The following ADK variants were observed in gnomAD, a reference collection of about 807,000 sequenced individuals.
The protein encoded by ADK is N6,N6-dimethyladenosine kinase.
A neutral mutation model predicts 44.7 loss-of-function variants in ADK; 24 were observed. The observed-to-expected ratio is 0.54, with a 90% CI of 0.39 to 0.76. The LOEUF (loss-of-function observed/expected upper bound fraction) is 0.76, where lower values mean the gene tolerates loss of function less well. ADK is among the 30% of genes least tolerant of loss of function. The pLI is 0.00. For missense variants in ADK, 321 were observed against 425.1 expected (o/e 0.76, Z 2.15); for synonymous variants, 128 against 142.6 (o/e 0.90, Z 0.73).
chr10:74,380,062 C>G (rs1477491175), intron 4 of ADK, among the ~76,000 whole-genome samples: 1 of 152,170 alleles, frequency 6.6e-6, no homozygotes, highest in Non-Finnish European at 1.5e-5. Flanking sequence ...TTGCCTGCCT[C>G]CCACTCTTTG....
intron 1 of ADK, among the ~76,000 whole-genome samples, chr10:74,153,596 A>T (rs1564563564): frequency 6.6e-6 from 1 of 152,220 alleles, no homozygotes; most frequent in African/African-American, 2.4e-5. Flanking sequence ...AGTGCTAGAC[A>T]TTATACTATG....
At chr10:74,191,201 G>A (rs770011239) in intron 1 of ADK, among the ~76,000 whole-genome samples, 5 of 151,878 alleles carry the variant, frequency 3.3e-5, no homozygotes, top group Admixed American at 2.0e-4. Flanking sequence ...GGCTGGTCTC[G>A]AACTCCTGAC....
intron 9 of ADK, among the ~76,000 whole-genome samples, chr10:74,625,711 A>T (rs764915163): frequency 2.2e-4 from 33 of 152,162 alleles, no homozygotes; most frequent in Middle Eastern, 3.2e-3. Flanking sequence ...GGTTAGAAAA[A>T]TTGTAGAGAA....
intron 9 of ADK, among the ~76,000 whole-genome samples, chr10:74,651,165 C>T (rs925298882): frequency 3.3e-5 from 5 of 151,804 alleles, no homozygotes; most frequent in Non-Finnish European, 7.4e-5. Context: ...TGCCAAAATT[C>T]GGTATGGTAT....
At chr10:74,161,206 C>G (rs1418490343) in intron 1 of ADK, among the ~76,000 whole-genome samples, 1 of 152,020 alleles carries the variant, frequency 6.6e-6, no homozygotes, top group Non-Finnish European at 1.5e-5. Context: ...CAAGGAATTC[C>G]TATTTATTTT....
intron 9 of ADK, among the ~76,000 whole-genome samples, chr10:74,619,252 C>T (rs548686912): frequency 2.6e-5 from 4 of 152,120 alleles, no homozygotes; most frequent in African/African-American, 9.6e-5. Context: ...GCCAGGAGTT[C>T]AAGACCAGCC....
At chr10:74,227,588 A>G (rs1473189651) in intron 3 of ADK, among the ~76,000 whole-genome samples, 4 of 152,170 alleles carry the variant, frequency 2.6e-5, no homozygotes, top group Non-Finnish European at 4.4e-5. Flanking sequence ...TCACGCCTGT[A>G]ATCCCAGCAC....
At chr10:74,440,162 A>G (rs1845348318) in intron 6 of ADK, among the ~76,000 whole-genome samples, 1 of 152,124 alleles carries the variant, frequency 6.6e-6, no homozygotes. Flanking sequence ...TTTTTATTTG[A>G]AAATTGATTC....
chr10:74,632,820 G>A lies in ADK; in HGVS notation c.877+32327G>A, dbSNP rs138805982. On this transcript the variant is annotated intron_variant, in intron 9 of 10. Transcript: ENST00000539909. ...TTATTTACCTATTCTTCAGTTAATG[G>A]AATTTCATTCCTGTATTTATTTATG... Among the ~76,000 whole-genome samples, 1,454 of 152,186 alleles carry A rather than the reference G, an allele frequency of 9.6e-3. 11 individuals carry two copies. The highest frequency in any genetic ancestry group is 0.015 in the Non-Finnish European group (1,019 of 67,994).
At chr10:74,278,156 C>A (rs1432568700) in intron 3 of ADK, among the ~76,000 whole-genome samples, 1 of 151,622 alleles carries the variant, frequency 6.6e-6, no homozygotes, top group African/African-American at 2.4e-5. Context: ...GAGTTTGAGA[C>A]CAGCCTGGGC....
intron 7 of ADK, among the ~76,000 whole-genome samples, chr10:74,538,374 T>G (rs1311770271): frequency 6.6e-6 from 1 of 152,234 alleles, no homozygotes; most frequent in Non-Finnish European, 1.5e-5. Context: ...CACAGAGGAT[T>G]CAATATATTA....
intron 1 of ADK, among the ~76,000 whole-genome samples, chr10:74,161,485 A>C (rs1048549797): frequency 6.6e-6 from 1 of 152,180 alleles, no homozygotes; most frequent in Non-Finnish European, 1.5e-5. Flanking sequence ...CTGGGATTAC[A>C]GGCATGAGTC....
chr10:74,516,374 C>T (rs887136314), intron 6 of ADK, among the ~76,000 whole-genome samples: 27 of 152,106 alleles, frequency 1.8e-4, no homozygotes, highest in African/African-American at 6.0e-4. Context: ...TATCAGTGCA[C>T]CCCACTACTC....
At chr10:74,171,371 G>A (rs981122191) in intron 1 of ADK, among the ~76,000 whole-genome samples, 2 of 151,910 alleles carry the variant, frequency 1.3e-5, no homozygotes, top group African/African-American at 2.4e-5. Context: ...TTGTTTTATC[G>A]CACCCTTAAC....
At chr10:74,574,478 A>G (rs1851111517) in intron 7 of ADK, among the ~76,000 whole-genome samples, 1 of 152,116 alleles carries the variant, frequency 6.6e-6, no homozygotes, top group Non-Finnish European at 1.5e-5. Flanking sequence ...CATTCTTGCT[A>G]CTTTCATAGC....
intron 4 of ADK, among the ~76,000 whole-genome samples, chr10:74,347,148 C>A (rs1841801187): frequency 7.6e-6 from 1 of 132,304 alleles, no homozygotes; most frequent in Non-Finnish European, 1.5e-5. Flanking sequence ...AAAAAGATGG[C>A]CGAATAGGAA....
intron 7 of ADK, among the ~76,000 whole-genome samples, chr10:74,568,116 C>T (rs1490047088): frequency 6.6e-6 from 1 of 152,030 alleles, no homozygotes; most frequent in Non-Finnish European, 1.5e-5. Flanking sequence ...AATTCATAAA[C>T]TTTGTTAAAA....
chr10:74,219,546 C>T (rs971017067), intron 2 of ADK, among the ~76,000 whole-genome samples: 6 of 152,166 alleles, frequency 3.9e-5, no homozygotes, highest in African/African-American at 7.2e-5. Flanking sequence ...AACTCTCCAC[C>T]GCAAATCAAT....
intron 9 of ADK, among the ~76,000 whole-genome samples, chr10:74,624,447 T>C (rs955555015): frequency 5.9e-5 from 9 of 152,144 alleles, no homozygotes; most frequent in African/African-American, 1.7e-4. Context: ...CCAAATTCTT[T>C]TGTTAATAAT....
Sources: gnomAD v4.1 joint callset for allele counts (sites outside exome capture counted in the v4.1 genomes callset) on GRCh38, gnomAD v4.1.1 for gene constraint, MANE v1.5 for transcripts, NCBI Gene and HGNC (gene_info 2026-07-23, HGNC 2026-07-21) for gene names.